CTNNA2: variants seen among roughly 807,000 people sequenced by gnomAD.
The protein encoded by CTNNA2 is catenin alpha 2.
Under a neutral mutation model 101.0 loss-of-function variants are expected in CTNNA2, and 42 were observed. The ratio of observed to expected loss-of-function variants is 0.42; its 90% CI spans 0.32 to 0.54. CTNNA2 has a LOEUF of 0.54. CTNNA2 is among the 20% of genes least tolerant of loss of function. The pLI, the probability that CTNNA2 is intolerant of heterozygous loss-of-function variation, is 0.14. For missense variants in CTNNA2, 871 were observed against 1,223.1 expected (o/e 0.71, Z 4.29); for synonymous variants, 450 against 456.4 (o/e 0.99, Z 0.18).
intron 2 of CTNNA2, among the ~76,000 whole-genome samples, chr2:79,260,616 G>A (rs183814425): frequency 1.7e-3 from 252 of 152,140 alleles, no homozygotes; most frequent in Admixed American, 3.5e-3. Context: ...CATTACATTC[G>A]TTATCCCCAT....
intron 11 of CTNNA2, among the ~76,000 whole-genome samples, chr2:80,552,117 G>T (rs542163112): frequency 1.3e-5 from 2 of 152,260 alleles, no homozygotes; most frequent in East Asian, 3.9e-4. Flanking sequence ...CTTCTTAAGT[G>T]AACATGGTTC....
chr2:79,186,207 G>A (rs1673777192), intron 1 of CTNNA2, among the ~76,000 whole-genome samples: 1 of 152,094 alleles, frequency 6.6e-6, no homozygotes, highest in Non-Finnish European at 1.5e-5. Flanking sequence ...TCTAAACATG[G>A]CAAAGATATT....
At chr2:80,284,149 A>C (rs996437116) in intron 7 of CTNNA2, among the ~76,000 whole-genome samples, 2 of 152,132 alleles carry the variant, frequency 1.3e-5, no homozygotes, top group Admixed American at 6.6e-5. Flanking sequence ...ATGTCTTAAT[A>C]CAGATTTCAT....
At chr2:79,681,091 G>A (rs1252801460) in intron 2 of CTNNA2, among the ~76,000 whole-genome samples, 3 of 152,178 alleles carry the variant, frequency 2.0e-5, no homozygotes, top group African/African-American at 4.8e-5. Context: ...GGAGATTGAG[G>A]CTGTAGTGAG....
At chr2:80,592,603 C>T (rs189450038) in intron 15 of CTNNA2, among the ~76,000 whole-genome samples, 1 of 152,292 alleles carries the variant, frequency 6.6e-6, no homozygotes, top group East Asian at 1.9e-4. Context: ...CATACTGCTT[C>T]AGCTGATTAG....
At chr2:79,794,367 T>C (rs985130475) in intron 3 of CTNNA2, among the ~76,000 whole-genome samples, 5 of 152,184 alleles carry the variant, frequency 3.3e-5, no homozygotes, top group Admixed American at 3.3e-4. Context: ...CTTTTGAAGA[T>C]TAGAATGCTT....
At chr2:79,545,636 A>C (rs1043115775) in intron 1 of CTNNA2, among the ~76,000 whole-genome samples, 19 of 152,194 alleles carry the variant, frequency 1.2e-4, no homozygotes, top group African/African-American at 3.9e-4. Flanking sequence ...TTTAAAAAAA[A>C]TATTATTCAA....
rs574916740 is a variant in CTNNA2 at position 80,382,636 on chromosome 2, A to G, written c.1057-10575A>G. On this transcript the variant is annotated intron_variant, in intron 7 of 18. Transcript: ENST00000402739. ...ACAACATGAGCTGGCTCTTGATAGA[A>G]TGGTAAATGAGGCACAGGGAGGTCA... Among the ~76,000 whole-genome samples the G allele has an allele frequency of 7.9e-5, 12 of 152,338 alleles. No homozygotes were observed. The East Asian group carries it at 1.9e-3, about 24-fold the overall frequency.
At chr2:79,240,002 G>A (rs973869456) in intron 2 of CTNNA2, among the ~76,000 whole-genome samples, 2 of 149,158 alleles carry the variant, frequency 1.3e-5, no homozygotes, top group South Asian at 2.1e-4. Context: ...TCAGCCTCCC[G>A]GGTTCAAGCA....
chr2:79,989,049 C>T lies in CTNNA2; in HGVS notation c.1056+79252C>T, dbSNP rs1197791611. On this transcript the variant is annotated intron_variant, in intron 7 of 18. Transcript: ENST00000402739. ...CATTTTTCCAGTATGTTGGATAAAACGGAAACCTCGAGAATTGCATAGTCC... is the reference window on the plus strand; with the variant it reads ...CATTTTTCCAGTATGTTGGATAAAATGGAAACCTCGAGAATTGCATAGTCC... Among the ~76,000 whole-genome samples, 5 of 152,240 alleles carry T rather than the reference C, an allele frequency of 3.3e-5. No individual in the cohort carries two copies. The South Asian group carries it at 8.3e-4, about 25-fold the overall frequency.
chr2:79,224,620 T>C (rs1478902741), intron 2 of CTNNA2, among the ~76,000 whole-genome samples: 3 of 152,038 alleles, frequency 2.0e-5, no homozygotes, highest in Admixed American at 2.0e-4. Context: ...CATGCATGCA[T>C]GCATGGTTTG....
chr2:79,209,284 C>G (rs1489906256), intron 2 of CTNNA2, among the ~76,000 whole-genome samples: 1 of 152,172 alleles, frequency 6.6e-6, no homozygotes, highest in Non-Finnish European at 1.5e-5. Flanking sequence ...TTACAAGATT[C>G]TAGCTTTTTA....
intron 7 of CTNNA2, among the ~76,000 whole-genome samples, chr2:80,245,819 T>A: frequency 7.2e-6 from 1 of 139,822 alleles, no homozygotes; most frequent in East Asian, 2.1e-4. Flanking sequence ...TTTTTTTTTT[T>A]TTTTGCACTC....
At chr2:79,260,697 A>G (rs2104285984) in intron 2 of CTNNA2, among the ~76,000 whole-genome samples, 1 of 152,248 alleles carries the variant, frequency 6.6e-6, no homozygotes, top group South Asian at 2.1e-4. Flanking sequence ...GGGTGGTTAG[A>G]GTTGAAAGTG....
intron 4 of CTNNA2, among the ~76,000 whole-genome samples, chr2:79,478,002 T>G (rs1176631897): frequency 6.6e-6 from 1 of 152,234 alleles, no homozygotes; most frequent in East Asian, 1.9e-4. Context: ...AAAGTCAAGT[T>G]GCTACTGAAA....
chr2:80,079,578 C>G (rs1698983725), intron 7 of CTNNA2, among the ~76,000 whole-genome samples: 1 of 152,120 alleles, frequency 6.6e-6, no homozygotes, highest in African/African-American at 2.4e-5. Flanking sequence ...ACTTTGGAGG[C>G]TGAGGCGGGC....
chr2:80,560,665 GTTC>G (rs1693503109), intron 12 of CTNNA2, among the ~76,000 whole-genome samples: 1 of 152,110 alleles, frequency 6.6e-6, no homozygotes, highest in African/African-American at 2.4e-5. Context: ...TCCCTGCAAC[GTTC>G]TTCATCTCCT....
intron 2 of CTNNA2, among the ~76,000 whole-genome samples, chr2:79,719,093 T>G (rs528442253): frequency 2.0e-4 from 31 of 152,096 alleles, no homozygotes; most frequent in Non-Finnish European, 3.4e-4. Context: ...ATGTTTATGT[T>G]TATATGTGCT....
intron 17 of CTNNA2, among the ~76,000 whole-genome samples, chr2:80,609,269 A>G (rs1302075105): frequency 6.6e-6 from 1 of 151,822 alleles, no homozygotes; most frequent in African/African-American, 2.4e-5. Flanking sequence ...TTGGAAATTT[A>G]GAAGTTTGGC....
Sources: gnomAD v4.1 joint callset for allele counts (sites outside exome capture counted in the v4.1 genomes callset) on GRCh38, gnomAD v4.1.1 for gene constraint, MANE v1.5 for transcripts, NCBI Gene and HGNC (gene_info 2026-07-23, HGNC 2026-07-21) for gene names.